The following ZNG1F variants were observed in gnomAD, a reference collection of about 807,000 sequenced individuals.
ZNG1F encodes the protein Zn regulated GTPase metalloprotein activator 1F.
the ZNG1F span, chr9:41,132,169 T>C: frequency 2.0e-5 from 31 of 1,576,206 alleles, 1 homozygote; most frequent in Middle Eastern, 4.7e-4. Context: ...TGGCACATGA[T>C]ATCCCTTTCA....
At chr9:41,138,922 C>A in the ZNG1F span, among the ~76,000 whole-genome samples, 1 of 135,814 alleles carries the variant, frequency 7.4e-6, no homozygotes, top group Non-Finnish European at 1.6e-5. Flanking sequence ...TTGGGCTTCA[C>A]CTTTCTCTGG....
the ZNG1F span, chr9:41,164,820 G>A: frequency 2.3e-6 from 1 of 426,870 alleles, no homozygotes; most frequent in Non-Finnish European, 4.1e-6. Context: ...AAGCACTGGG[G>A]ACTAATTTTA....
At chr9:41,144,746 C>T in the ZNG1F span, among the ~76,000 whole-genome samples, 20,288 of 141,628 alleles carry the variant, frequency 0.14, 1,942 homozygotes, top group South Asian at 0.23. Context: ...TTAACAGAAA[C>T]GCAGGTACAG....
At chr9:41,183,652 G>A in the ZNG1F span, 1 of 1,604,910 alleles carries the variant, frequency 6.2e-7, no homozygotes, top group Non-Finnish European at 8.5e-7. Context: ...GATTTCTCCA[G>A]CGCACTTCCT....
the ZNG1F span, chr9:41,157,368 G>C: frequency 1.5e-5 from 2 of 137,274 alleles, no homozygotes; most frequent in Non-Finnish European, 3.1e-5. Flanking sequence ...GGAGGCTGCA[G>C]CAGGAGAATC....
At chr9:41,185,716 C>T in the ZNG1F span, among the ~76,000 whole-genome samples, 7 of 148,506 alleles carry the variant, frequency 4.7e-5, no homozygotes, top group East Asian at 1.4e-3. Context: ...TTTCATATGT[C>T]TAGATTTTTA....
the ZNG1F span, among the ~76,000 whole-genome samples, chr9:41,135,087 AG>A: frequency 2.6e-5 from 1 of 38,584 alleles, no homozygotes; most frequent in Admixed American, 3.8e-4. Context: ...GTGAGAACAT[AG>A]CGATGTTTGG....
At chr9:41,154,985 A>G in the ZNG1F span, among the ~76,000 whole-genome samples, 1 of 150,816 alleles carries the variant, frequency 6.6e-6, no homozygotes, top group South Asian at 2.1e-4. Flanking sequence ...AATGGTAACA[A>G]AAGCCAAAAT....
the ZNG1F span, among the ~76,000 whole-genome samples, chr9:41,196,783 G>A: frequency 3.0e-5 from 2 of 66,548 alleles, 1 homozygote; most frequent in African/African-American, 7.0e-5. Flanking sequence ...ATACCTGAAT[G>A]TATTATAACT....
the ZNG1F span, among the ~76,000 whole-genome samples, chr9:41,180,675 T>TGC: frequency 9.1e-6 from 1 of 110,236 alleles, no homozygotes; most frequent in Non-Finnish European, 1.9e-5. Flanking sequence ...TGTGTGTGTG[T>TGC]GTGCGTGTGC....
chr9:41,204,413 T>TAC, the ZNG1F span, among the ~76,000 whole-genome samples: 1 of 13,890 alleles, frequency 7.2e-5, no homozygotes, highest in African/African-American at 1.3e-4. Context: ...TATATATATA[T>TAC]ATATATATCT....
chr9:41,166,576 C>A, the ZNG1F span, among the ~76,000 whole-genome samples: 10 of 118,148 alleles, frequency 8.5e-5, no homozygotes, highest in Non-Finnish European at 1.5e-4. Context: ...TCAGCATTCA[C>A]TTTATGCTAC....
At chr9:41,154,713 T>C in the ZNG1F span, among the ~76,000 whole-genome samples, 1 of 149,676 alleles carries the variant, frequency 6.7e-6, no homozygotes, top group African/African-American at 2.5e-5. Context: ...TATCTACAAC[T>C]ATCTGATCTT....
the ZNG1F span, chr9:41,132,167 G>T: frequency 1.3e-6 from 2 of 1,573,540 alleles, no homozygotes; most frequent in Non-Finnish European, 1.7e-6. Context: ...AGTGGCACAT[G>T]ATATCCCTTT....
At chr9:41,185,244 T>A in the ZNG1F span, among the ~76,000 whole-genome samples, 100 of 137,616 alleles carry the variant, frequency 7.3e-4, no homozygotes, top group Non-Finnish European at 1.3e-3. Context: ...GTTTACTTTC[T>A]TTTTAAAATA....
the ZNG1F span, chr9:41,134,073 A>G: frequency 1.2e-5 from 4 of 341,026 alleles, no homozygotes; most frequent in East Asian, 2.7e-4. Context: ...TGTAACACAT[A>G]CAATGTACTC....
At chr9:41,155,337 T>C in the ZNG1F span, among the ~76,000 whole-genome samples, 1 of 149,716 alleles carries the variant, frequency 6.7e-6, no homozygotes, top group Non-Finnish European at 1.5e-5. Flanking sequence ...ATGGCGATCA[T>C]TAAAAAGTCA....
the ZNG1F span, among the ~76,000 whole-genome samples, chr9:41,140,751 G>A: frequency 7.1e-6 from 1 of 140,370 alleles, no homozygotes. Flanking sequence ...TTTGAGATGG[G>A]GTCTCACTCT....
chr9:41,183,427 G>A, the ZNG1F span: 1 of 995,514 alleles, frequency 1.0e-6, no homozygotes, highest in Non-Finnish European at 1.4e-6. Flanking sequence ...TTCCTAATAA[G>A]TTTATTTTCT....
Sources: gnomAD v4.1 joint callset for allele counts (sites outside exome capture counted in the v4.1 genomes callset) on GRCh38, gnomAD v4.1.1 for gene constraint, MANE v1.5 for transcripts, NCBI Gene and HGNC (gene_info 2026-07-23, HGNC 2026-07-21) for gene names.